The following DEPDC1B variants were observed in gnomAD, a reference collection of about 807,000 sequenced individuals.
The protein encoded by DEPDC1B is DEP domain-containing protein 1B.
DEPDC1B carries 51 observed loss-of-function variants against 66.5 expected under a neutral mutation model. That is an observed-to-expected ratio of 0.77 (90% confidence interval 0.61 to 0.97). The LOEUF is 0.97. DEPDC1B is among the 50% of genes least tolerant of loss of function. The pLI is 0.00. For synonymous variants in DEPDC1B, 226 were observed against 223.6 expected (o/e 1.01, Z -0.10); for missense variants, 552 against 637.1 (o/e 0.87, Z 1.44).
At chr5:60,664,579 C>T (rs952317763) in intron 2 of DEPDC1B, among the ~76,000 whole-genome samples, 6 of 152,190 alleles carry the variant, frequency 3.9e-5, no homozygotes, top group Non-Finnish European at 5.9e-5. Flanking sequence ...CTCAAACCTA[C>T]GCTGCTCGAG....
At chr5:60,612,381 C>A (rs1319792666) in intron 7 of DEPDC1B, among the ~76,000 whole-genome samples, 1 of 150,664 alleles carries the variant, frequency 6.6e-6, no homozygotes, top group Non-Finnish European at 1.5e-5. Context: ...CAAGATTGTG[C>A]CGCTGCACTC....
intron 2 of DEPDC1B, among the ~76,000 whole-genome samples, chr5:60,669,516 A>G (rs1026801094): frequency 3.9e-5 from 6 of 152,222 alleles, no homozygotes; most frequent in Non-Finnish European, 7.3e-5. Context: ...AAACCATAGC[A>G]ATTTGTAGGG....
At chr5:60,606,870 G>A (rs1320971202) in intron 7 of DEPDC1B, among the ~76,000 whole-genome samples, 1 of 151,822 alleles carries the variant, frequency 6.6e-6, no homozygotes, top group Non-Finnish European at 1.5e-5. Context: ...CCTCTAATGA[G>A]GTAAAACTGC....
chr5:60,668,259 A>T (rs28748051), intron 2 of DEPDC1B, among the ~76,000 whole-genome samples: 6,190 of 37,448 alleles, frequency 0.17, 1,495 homozygotes, highest in East Asian at 0.48. Context: ...AATGGATATT[A>T]TATATATATA....
At chr5:60,661,851 T>C (rs1210144380) in intron 2 of DEPDC1B, among the ~76,000 whole-genome samples, 1 of 151,922 alleles carries the variant, frequency 6.6e-6, no homozygotes, top group Non-Finnish European at 1.5e-5. Context: ...AATCAGAACA[T>C]GGAGATTGGT....
At chr5:60,682,098 G>C (rs1057469330) in intron 2 of DEPDC1B, among the ~76,000 whole-genome samples, 1 of 152,034 alleles carries the variant, frequency 6.6e-6, no homozygotes, top group African/African-American at 2.4e-5. Flanking sequence ...TGATAAAAAT[G>C]AAGAAAAAAC....
At chr5:60,666,785 C>T (rs910158240) in intron 2 of DEPDC1B, among the ~76,000 whole-genome samples, 1 of 152,144 alleles carries the variant, frequency 6.6e-6, no homozygotes, top group Non-Finnish European at 1.5e-5. Context: ...AAGACCATCA[C>T]GCTACAAGAA....
chr5:60,605,371 T>C (rs1752287572), intron 8 of DEPDC1B, among the ~76,000 whole-genome samples: 1 of 152,244 alleles, frequency 6.6e-6, no homozygotes, highest in Non-Finnish European at 1.5e-5. Context: ...CTTGATTGAC[T>C]CTATAATGTA....
intron 1 of DEPDC1B, among the ~76,000 whole-genome samples, chr5:60,697,070 T>G (rs1754672343): frequency 1.3e-5 from 2 of 152,160 alleles, no homozygotes; most frequent in Admixed American, 1.3e-4. Flanking sequence ...AGTTCAAAGA[T>G]TTAAGCAGTT....
chr5:60,677,324 A>ACTCTCTCTCT (rs753946184), intron 2 of DEPDC1B, among the ~76,000 whole-genome samples: 130 of 78,780 alleles, frequency 1.7e-3, no homozygotes, highest in African/African-American at 6.8e-3. Flanking sequence ...ACACACACAC[A>ACTCTCTCTCT]CACTCTCTCT....
chr5:60,677,078 C>G (rs916527181), intron 2 of DEPDC1B, among the ~76,000 whole-genome samples: 1 of 151,952 alleles, frequency 6.6e-6, no homozygotes, highest in African/African-American at 2.4e-5. Context: ...TTGTAAATTT[C>G]GAACCACATA....
At chr5:60,650,734 C>T (rs1406419700) in intron 2 of DEPDC1B, among the ~76,000 whole-genome samples, 1 of 152,130 alleles carries the variant, frequency 6.6e-6, no homozygotes, top group Non-Finnish European at 1.5e-5. Flanking sequence ...AATTGCATCC[C>T]GGTTCAGCCT....
At chr5:60,606,608 A>AC (rs1752315121) in intron 7 of DEPDC1B, among the ~76,000 whole-genome samples, 1 of 113,022 alleles carries the variant, frequency 8.8e-6, no homozygotes, top group African/African-American at 4.1e-5. Context: ...ACCCATTTCT[A>AC]CAAAAAAAAA....
intron 7 of DEPDC1B, among the ~76,000 whole-genome samples, chr5:60,609,811 T>C (rs1373598426): frequency 6.6e-6 from 1 of 152,204 alleles, no homozygotes; most frequent in African/African-American, 2.4e-5. Flanking sequence ...TTGGAAAGGC[T>C]TGGGACAAAA....
chr5:60,659,292 G>A (rs1259181501), intron 2 of DEPDC1B, among the ~76,000 whole-genome samples: 1 of 152,120 alleles, frequency 6.6e-6, no homozygotes, highest in Non-Finnish European at 1.5e-5. Context: ...ACATCTGGTG[G>A]CCCATATGGG....
At chr5:60,632,096 C>G (rs1335515657) in intron 7 of DEPDC1B, among the ~76,000 whole-genome samples, 1 of 152,206 alleles carries the variant, frequency 6.6e-6, no homozygotes, top group South Asian at 2.1e-4. Flanking sequence ...AACAATTTGT[C>G]TATTTTGTTG....
intron 2 of DEPDC1B, among the ~76,000 whole-genome samples, chr5:60,677,757 A>G (rs952374437): frequency 6.6e-6 from 1 of 152,200 alleles, no homozygotes; most frequent in African/African-American, 2.4e-5. Context: ...CTGTCAGTTT[A>G]TATTTGAGAA....
chr5:60,640,063 G>A (rs537718444), intron 6 of DEPDC1B, among the ~76,000 whole-genome samples: 7 of 152,024 alleles, frequency 4.6e-5, no homozygotes, highest in African/African-American at 7.3e-5. Context: ...TGGCCTTTTC[G>A]GCCTCCTTAA....
chr5:60,696,521 AATAAGTATCTT>A (rs1754657706), intron 1 of DEPDC1B, among the ~76,000 whole-genome samples: 2 of 152,228 alleles, frequency 1.3e-5, no homozygotes, highest in African/African-American at 4.8e-5. Flanking sequence ...CAGAAAGAAA[AATAAGTATCTT>A]TAAATAATCT....
Sources: gnomAD v4.1 joint callset for allele counts (sites outside exome capture counted in the v4.1 genomes callset) on GRCh38, gnomAD v4.1.1 for gene constraint, MANE v1.5 for transcripts, NCBI Gene and HGNC (gene_info 2026-07-23, HGNC 2026-07-21) for gene names.